The following PLCE1 variants were observed in gnomAD, a reference collection of about 807,000 sequenced individuals.
PLCE1 encodes the protein 1-phosphatidylinositol 4,5-bisphosphate phosphodiesterase epsilon-1.
PLCE1 carries 119 observed loss-of-function variants against 242.8 expected under a neutral mutation model. The observed-to-expected ratio is 0.49, with a 90% CI of 0.42 to 0.57. The LOEUF (loss-of-function observed/expected upper bound fraction) is 0.57, where lower values mean the gene tolerates loss of function less well. Among genes scored for constraint, PLCE1 ranks in the 20% least tolerant of loss-of-function variants. The pLI is 0.00. For synonymous variants in PLCE1, 945 were observed against 1,017.4 expected (o/e 0.93, Z 1.35); for missense variants, 2,441 against 2,788.8 (o/e 0.88, Z 2.81).
chr10:94,129,947 T>C (rs1013170211), intron 2 of PLCE1, among the ~76,000 whole-genome samples: 3 of 152,136 alleles, frequency 2.0e-5, no homozygotes, highest in African/African-American at 7.2e-5. Context: ...TGCTCTAAAC[T>C]CCACTGGCTG....
rs376903073 is a variant in PLCE1 at position 94,221,667 on chromosome 10, G to T, written c.1810-5639G>T. Among the ~76,000 whole-genome samples the T allele has an allele frequency of 3.0e-3, 462 of 152,234 alleles. 3 individuals are homozygous for T. Among genetic ancestry groups the T allele is most frequent in the Non-Finnish European group, 4.6e-3 (311 of 68,008 alleles). ...GGAGAATCACTTGAACCCAGGAGGCGGAGATTGCAGTGAGCCAAAATCGTG... is the reference window on the plus strand; with the variant it reads ...GGAGAATCACTTGAACCCAGGAGGCTGAGATTGCAGTGAGCCAAAATCGTG... On this transcript the variant is annotated intron_variant, in intron 4 of 32. Coordinates refer to ENST00000371380, the MANE Select transcript of PLCE1 (RefSeq NM_016341.4).
intron 2 of PLCE1, among the ~76,000 whole-genome samples, chr10:94,070,587 C>T (rs1476162987): frequency 6.6e-6 from 1 of 152,184 alleles, no homozygotes; most frequent in Non-Finnish European, 1.5e-5. Flanking sequence ...TCTAATTGTT[C>T]AGTTACTGGG....
intron 2 of PLCE1, among the ~76,000 whole-genome samples, chr10:94,068,201 A>G (rs2044249258): frequency 6.6e-6 from 1 of 152,164 alleles, no homozygotes; most frequent in Non-Finnish European, 1.5e-5. Context: ...AACTTCCTGC[A>G]AAAGTAAGCC....
chr10:93,997,581 G>C (rs1334382449), intron 1 of PLCE1, among the ~76,000 whole-genome samples: 2 of 148,360 alleles, frequency 1.3e-5, no homozygotes, highest in African/African-American at 5.0e-5. Context: ...CTTGATCACT[G>C]TGCTATCCTA....
chr10:94,045,526 C>T (rs1222183417), intron 2 of PLCE1, among the ~76,000 whole-genome samples: 1 of 152,220 alleles, frequency 6.6e-6, no homozygotes. Flanking sequence ...AACAGGTTTA[C>T]ATAGCTAATG....
At chr10:94,226,410 G>T (rs2049940944) in intron 4 of PLCE1, among the ~76,000 whole-genome samples, 1 of 152,122 alleles carries the variant, frequency 6.6e-6, no homozygotes, top group Admixed American at 6.5e-5. Context: ...CATCCCTGAG[G>T]ACAGTAACAG....
chr10:94,070,967 C>T (rs907500432), intron 2 of PLCE1, among the ~76,000 whole-genome samples: 3 of 152,184 alleles, frequency 2.0e-5, no homozygotes, highest in Non-Finnish European at 4.4e-5. Context: ...TGCCAGGCAC[C>T]GTGCTAGACA....
Position 94,246,550 on chromosome 10 carries a change from G to A in PLCE1, c.3025G>A (p.Val1009Met), listed in dbSNP as rs749025597. The part of the protein sequence containing the change: ...FSGLLELTRA[V>M]RKMRKFPDQR... Reference sequence around the variant, plus strand: ...CGGATTATTGGAACTCACTAGAGCTGTGAGAAAGATGAGGAAATTCCCTGA... The same window carrying A: ...CGGATTATTGGAACTCACTAGAGCTATGAGAAAGATGAGGAAATTCCCTGA... The change falls in exon 8 of 33, where the codon GTG (valine) becomes ATG (methionine). Residue 1009 changes from valine (V) to methionine (M), a missense_variant. Coordinates refer to ENST00000371380, the MANE Select transcript of PLCE1 (RefSeq NM_016341.4). 6 of 1,614,054 alleles carry A rather than the reference G, an allele frequency of 3.7e-6. No homozygotes were observed. Among genetic ancestry groups the A allele is most frequent in the African/African-American group, 2.7e-5 (2 of 74,952 alleles).
At chr10:94,018,324 A>G (rs1227070856) in intron 1 of PLCE1, among the ~76,000 whole-genome samples, 2 of 152,070 alleles carry the variant, frequency 1.3e-5, no homozygotes, top group Admixed American at 6.6e-5. Flanking sequence ...GTGCTATGCT[A>G]CTTTGACCTG....
chr10:94,044,271 A>G (rs2061834732), intron 2 of PLCE1, among the ~76,000 whole-genome samples: 1 of 152,228 alleles, frequency 6.6e-6, no homozygotes, highest in African/African-American at 2.4e-5. Flanking sequence ...TTTCCAAGGA[A>G]TCACCTTGAA....
chr10:94,311,217 G>A (rs1589520287), intron 27 of PLCE1, among the ~76,000 whole-genome samples: 3 of 152,042 alleles, frequency 2.0e-5, no homozygotes, highest in Non-Finnish European at 4.4e-5. Context: ...TCATGACCTG[G>A]GCATGATTGG....
intron 30 of PLCE1, among the ~76,000 whole-genome samples, chr10:94,322,767 A>T (rs1252129735): frequency 4.0e-5 from 6 of 151,728 alleles, no homozygotes; most frequent in African/African-American, 1.5e-4. Context: ...CCTGGGCAAC[A>T]AGAGTGAAAC....
chr10:94,089,411 G>T (rs774729175), intron 2 of PLCE1: 2 of 1,502,988 alleles, frequency 1.3e-6, no homozygotes, highest in African/African-American at 1.4e-5. Flanking sequence ...ATCCCCCAGT[G>T]TTCTTAATGC....
intron 19 of PLCE1, chr10:94,279,470 G>T (rs1488897332): frequency 7.3e-6 from 3 of 408,622 alleles, no homozygotes; most frequent in African/African-American, 6.1e-5. Flanking sequence ...TGGGATTGAT[G>T]CTGGTTCTCC....
intron 2 of PLCE1, among the ~76,000 whole-genome samples, chr10:94,128,458 G>A (rs902982921): frequency 6.6e-6 from 1 of 152,152 alleles, no homozygotes. Context: ...CTGGTTCTTT[G>A]TGGTGAGGGT....
intron 1 of PLCE1, among the ~76,000 whole-genome samples, chr10:94,024,180 C>T (rs1020053439): frequency 1.3e-5 from 2 of 152,140 alleles, no homozygotes; most frequent in African/African-American, 4.8e-5. Flanking sequence ...TTTCTTTAAT[C>T]TCTTTGCTGA....
rs200039087 is a variant in PLCE1 at position 94,262,740 on chromosome 10, C to T, written c.4053+8C>T. On this transcript the variant is annotated splice_region_variant and intron_variant, in intron 14 of 32. Coordinates refer to ENST00000371380, the MANE Select transcript of PLCE1 (RefSeq NM_016341.4). ...ATCCTCAGCATCATCCAGGTTTGTG[C>T]CTGTTTTGTGTGTGCATGTGTGTGT... is the stretch of plus-strand genomic sequence containing the variant. 413 of 1,585,532 alleles carry T rather than the reference C, an allele frequency of 2.6e-4. 2 individuals are homozygous for T. The African/African-American group carries it at 4.9e-3, about 19-fold the overall frequency.
intron 2 of PLCE1, among the ~76,000 whole-genome samples, chr10:94,041,142 C>T (rs1332363857): frequency 6.6e-6 from 1 of 152,118 alleles, no homozygotes; most frequent in Non-Finnish European, 1.5e-5. Context: ...TGGTGGTCTT[C>T]TCTGCCAGCC....
Position 94,308,571 on chromosome 10 carries a change from A to G in PLCE1, c.5885-10A>G, listed in dbSNP as rs771690713. The G allele has an allele frequency of 6.4e-7, 1 of 1,557,980 alleles. No individual in the cohort carries two copies. Among genetic ancestry groups the G allele is most frequent in the Admixed American group, 1.7e-5 (1 of 59,958 alleles). Reference sequence around the variant, plus strand: ...GTTAACAAGCTTTTCCCAATTCTGTATTACTCCAGGATATCGACATCTTCA... The same window carrying G: ...GTTAACAAGCTTTTCCCAATTCTGTGTTACTCCAGGATATCGACATCTTCA... On this transcript the variant is annotated splice_polypyrimidine_tract_variant and intron_variant, in intron 26 of 32. Coordinates refer to ENST00000371380, the MANE Select transcript of PLCE1 (RefSeq NM_016341.4).
Sources: allele counts gnomAD v4.1 joint callset (sites outside exome capture counted in the v4.1 genomes callset), GRCh38; gene constraint gnomAD v4.1.1; transcripts MANE v1.5; gene names NCBI Gene and HGNC (gene_info 2026-07-23, HGNC 2026-07-21).